Variants in HNRNPC observed in about 807,000 individuals in gnomAD.
HNRNPC encodes the protein heterogeneous nuclear ribonucleoproteins C1/C2.
Under a neutral mutation model 33.2 loss-of-function variants are expected in HNRNPC, and 3 were observed. That is an observed-to-expected ratio of 0.09 (90% CI 0.04 to 0.23). The LOEUF (loss-of-function observed/expected upper bound fraction) is 0.23. Among genes scored for constraint, HNRNPC ranks in the 10% least tolerant of loss-of-function variants. The probability of loss-of-function intolerance (pLI) is 1.00; values close to 1 mark genes in which losing one functional copy is unlikely to be tolerated. For missense variants in HNRNPC, 143 were observed against 366.7 expected, an observed-to-expected ratio of 0.39 and a Z score of 4.98; for synonymous variants, 121 against 126.7, an observed-to-expected ratio of 0.96 and a Z score of 0.30.
intron 2 of HNRNPC, among the ~76,000 whole-genome samples, chr14:21,237,192 GCCAAT>G (rs1894793406): frequency 6.6e-6 from 1 of 152,124 alleles, no homozygotes; most frequent in African/African-American, 2.4e-5. Context: ...TGATTCCACT[GCCAAT>G]CCCCCTTCCT....
rs548118035 is a variant in HNRNPC at position 21,214,283 on chromosome 14, C to T, written c.366-1166G>A. On this transcript the variant is annotated intron_variant, in intron 5 of 8. Coordinates refer to ENST00000553300, the MANE Select transcript of HNRNPC (RefSeq NM_004500.4). ...AATCACCTTTGTCATGATTCTCCCTCTTATATATATACAATAGTGGCAAGT... is the reference window on the plus strand; with the variant it reads ...AATCACCTTTGTCATGATTCTCCCTTTTATATATATACAATAGTGGCAAGT... 1.8e-4 allele frequency among the ~76,000 whole-genome samples: 27 copies of T among 152,324 alleles called. No individual in the cohort carries two copies. In the South Asian group the frequency reaches 5.6e-3, roughly 32 times the overall value.
At chr14:21,212,292 T>C (rs564009094) in intron 6 of HNRNPC, among the ~76,000 whole-genome samples, 1 of 151,952 alleles carries the variant, frequency 6.6e-6, no homozygotes, top group Admixed American at 6.5e-5. Flanking sequence ...CACGCACCAC[T>C]GCATCAGACC....
intron 4 of HNRNPC, 99 bp downstream of exon 4, chr14:21,230,898 C>A: frequency 7.3e-7 from 1 of 1,372,404 alleles, no homozygotes; most frequent in Non-Finnish European, 1.0e-6. Context: ...ACCCAGAAAA[C>A]AGAAAGAGAA....
chr14:21,210,631 A>C lies in HNRNPC; in HGVS notation c.*592T>G, dbSNP rs183757816. On this transcript the variant is annotated 3_prime_UTR_variant, in exon 9 of 9. Transcript: ENST00000553300. ...CCCAAACATCAGGCTGTTCACAAAA[A>C]TAACCCACAGTATCAACTTTAGAAA... The C allele has an allele frequency of 9.0e-3, 1,380 of 152,666 alleles. 11 individuals are homozygous for C. The highest frequency in any genetic ancestry group is 0.012 in the Non-Finnish European group (794 of 68,000). The allele number at this position is 152,666 out of a possible 1,614,324, so 9.5% of individuals were successfully genotyped here. A position where few individuals can be genotyped will look rare whatever the true frequency, so the allele number is the denominator to read the frequency against.
Position 21,211,179 on chromosome 14 carries a change from G to A in HNRNPC, c.*44C>T, listed in dbSNP as rs1227254851. 1.9e-6 allele frequency: 3 copies of A among 1,587,700 alleles called. No homozygotes were observed. Among genetic ancestry groups the A allele is most frequent in the Non-Finnish European group, 1.7e-6 (2 of 1,158,556 alleles). On this transcript the variant is annotated 3_prime_UTR_variant, in exon 9 of 9. Coordinates refer to ENST00000553300, the MANE Select transcript of HNRNPC (RefSeq NM_004500.4). ...AAATTTGATCTTAGACAAGCGCCTA[G>A]GTAAAGAAATAATGGGATAAGATTT... is the stretch of plus-strand genomic sequence containing the variant.
chr14:21,231,351 T>G (rs1894093087), intron 3 of HNRNPC: 1 of 534,002 alleles, frequency 1.9e-6, no homozygotes, highest in Non-Finnish European at 3.6e-6. Context: ...TTAGAAAATG[T>G]GGAACAAAAC....
At chr14:21,223,083 G>C (rs544078761) in intron 5 of HNRNPC, among the ~76,000 whole-genome samples, 1 of 152,130 alleles carries the variant, frequency 6.6e-6, no homozygotes, top group South Asian at 2.1e-4. Flanking sequence ...ATGCATGCCT[G>C]TAATCCCAGC....
At chr14:21,246,278 G>C (rs1442653008) in intron 2 of HNRNPC, among the ~76,000 whole-genome samples, 3 of 152,176 alleles carry the variant, frequency 2.0e-5, no homozygotes, top group South Asian at 2.1e-4. Flanking sequence ...ATGCCTCAAA[G>C]GCTGGGCGCG....
chr14:21,226,878 C>CAAAAAAA (rs71419112), intron 5 of HNRNPC, among the ~76,000 whole-genome samples: 1 of 39,048 alleles, frequency 2.6e-5, no homozygotes, highest in Non-Finnish European at 4.6e-5. Flanking sequence ...GACTCCATCT[C>CAAAAAAA]AAAAAAAAAA....
rs563219461 is a variant in HNRNPC at position 21,267,584 on chromosome 14, CCTT to C, written c.-63+1711_-63+1713del. On this transcript the variant is annotated intron_variant, in intron 1 of 8. Coordinates refer to ENST00000553300, the MANE Select transcript of HNRNPC (RefSeq NM_004500.4). ...GTCAGAAAACCTGCAACCTGGCCAT[CCTT>C]CTTCAACTTTTCCCCCTAGCCAATA... Among the ~76,000 whole-genome samples, 131 of 152,292 alleles carry C rather than the reference CCTT, an allele frequency of 8.6e-4. 1 individual carries two copies. The highest frequency in any genetic ancestry group is 4.8e-5 in the African/African-American group (2 of 41,550).
chr14:21,247,890 G>A (rs781328610), intron 2 of HNRNPC, among the ~76,000 whole-genome samples: 12 of 151,842 alleles, frequency 7.9e-5, no homozygotes, highest in Non-Finnish European at 1.3e-4. Context: ...GGGAGGCCGA[G>A]GCATGAGAAA....
chr14:21,217,580 G>C (rs1892328740), intron 5 of HNRNPC, among the ~76,000 whole-genome samples: 1 of 152,118 alleles, frequency 6.6e-6, no homozygotes. Flanking sequence ...CACTGATATG[G>C]GTTGGGGAAC....
At chr14:21,260,103 G>T (rs1207722550) in intron 2 of HNRNPC, among the ~76,000 whole-genome samples, 1 of 145,906 alleles carries the variant, frequency 6.9e-6, no homozygotes, top group South Asian at 2.1e-4. Flanking sequence ...GGGAGGCTGA[G>T]GCAGGAGAAT....
chr14:21,216,919 ACTAG>A (rs1366727232), intron 5 of HNRNPC, among the ~76,000 whole-genome samples: 1 of 152,204 alleles, frequency 6.6e-6, no homozygotes, highest in Non-Finnish European at 1.5e-5. Flanking sequence ...AATCCGTTAA[ACTAG>A]CTAGCTAGCT....
intron 2 of HNRNPC, among the ~76,000 whole-genome samples, chr14:21,247,683 C>T (rs1375985213): frequency 1.3e-5 from 2 of 152,062 alleles, no homozygotes; most frequent in East Asian, 1.9e-4. Context: ...GGTGTGGTGG[C>T]TCACACCTGT....
chr14:21,231,008 C>G lies in HNRNPC; in HGVS notation c.306G>C (p.Ala102=), dbSNP rs373493697. ...RGKAGVKRSA[A]EMYGSSFDLD... is the part of the protein sequence containing the mutation. Reference sequence around the variant, plus strand: ...GTTCTGTTACTGACCCGTACATCTCCGCTGCAGATCGTTTCACACCTGCTT... The same window carrying G: ...GTTCTGTTACTGACCCGTACATCTCGGCTGCAGATCGTTTCACACCTGCTT... Residue 102 remains alanine, a synonymous_variant, in exon 4 of 9, where the codon GCG becomes GCC. Transcript: ENST00000553300. The G allele has an allele frequency of 8.1e-6, 13 of 1,614,174 alleles. No homozygotes were observed. Among genetic ancestry groups the G allele is most frequent in the Admixed American group, 3.3e-5 (2 of 60,024 alleles).
intron 1 of HNRNPC, among the ~76,000 whole-genome samples, chr14:21,269,067 G>A (rs1879508486): frequency 6.6e-6 from 1 of 151,922 alleles, no homozygotes; most frequent in African/African-American, 2.4e-5. Flanking sequence ...CAGGAAGAGC[G>A]AAAAAAGGAC....
chr14:21,214,276 T>C (rs777791984), intron 5 of HNRNPC, among the ~76,000 whole-genome samples: 2 of 152,202 alleles, frequency 1.3e-5, no homozygotes, highest in Non-Finnish European at 2.9e-5. Flanking sequence ...TTGTCATGAT[T>C]CTCCCTCTTA....
intron 5 of HNRNPC, chr14:21,213,379 G>C (rs1409187494): frequency 2.4e-6 from 1 of 413,566 alleles, no homozygotes. Flanking sequence ...TTATATGGTT[G>C]GCTGGCCTTT....
Sources: gnomAD v4.1 joint callset for allele counts (sites outside exome capture counted in the v4.1 genomes callset) on GRCh38, gnomAD v4.1.1 for gene constraint, MANE v1.5 for transcripts, NCBI Gene and HGNC (gene_info 2026-07-23, HGNC 2026-07-21) for gene names.